Variants in JPH2 observed in about 807,000 individuals in gnomAD.
The protein encoded by JPH2 is junctophilin-2.
A neutral mutation model predicts 55.9 loss-of-function variants in JPH2; 38 were observed. That is an observed-to-expected ratio of 0.68 (90% confidence interval 0.52 to 0.89). The LOEUF is 0.89. Among genes scored for constraint, JPH2 ranks in the 40% least tolerant of loss-of-function variants. The pLI, the probability that JPH2 is intolerant of heterozygous loss-of-function variation, is 0.00. For missense variants in JPH2, 964 were observed against 1,037.6 expected, an observed-to-expected ratio of 0.93 and a Z score of 0.97; for synonymous variants, 480 against 472.4, an observed-to-expected ratio of 1.02 and a Z score of -0.21.
At chr20:44,142,794 G>A (rs765168144) in intron 2 of JPH2, among the ~76,000 whole-genome samples, 5 of 152,212 alleles carry the variant, frequency 3.3e-5, no homozygotes, top group Non-Finnish European at 5.9e-5. Context: ...CTCTCAATAA[G>A]TCCTTGTTGT....
intron 1 of JPH2, among the ~76,000 whole-genome samples, chr20:44,178,962 C>T (rs912102798): frequency 6.6e-6 from 1 of 152,182 alleles, no homozygotes; most frequent in African/African-American, 2.4e-5. Context: ...TCACGTAACT[C>T]CCGTGTTCAG....
chr20:44,144,763 T>G (rs749175221), intron 2 of JPH2, among the ~76,000 whole-genome samples: 27 of 152,266 alleles, frequency 1.8e-4, no homozygotes, highest in African/African-American at 4.8e-4. Context: ...GCTAATATAA[T>G]AAGTAGCACC....
At chr20:44,179,979 G>C (rs1280705845) in intron 1 of JPH2, among the ~76,000 whole-genome samples, 1 of 152,202 alleles carries the variant, frequency 6.6e-6, no homozygotes, top group Non-Finnish European at 1.5e-5. Context: ...CAGCACTTTG[G>C]GAGGCCAAGG....
intron 1 of JPH2, among the ~76,000 whole-genome samples, chr20:44,169,221 G>A (rs2072679461): frequency 6.7e-6 from 1 of 149,688 alleles, no homozygotes; most frequent in Non-Finnish European, 1.5e-5. Flanking sequence ...CTGTTGCCCA[G>A]GCTGGAGTGC....
chr20:44,184,665 T>G (rs1016000258), intron 1 of JPH2, among the ~76,000 whole-genome samples: 1 of 152,228 alleles, frequency 6.6e-6, no homozygotes. Flanking sequence ...ACATCTGCTC[T>G]GCCACTCCAC....
At chr20:44,113,592 C>T (rs746682467) in intron 5 of JPH2, 89 bp from the exon 6 acceptor site, 3 of 152,356 alleles carry the variant, frequency 2.0e-5, no homozygotes, top group African/African-American at 4.8e-5. Context: ...CCTTGGGGCT[C>T]ATCTTCTCTG....
intron 1 of JPH2, among the ~76,000 whole-genome samples, chr20:44,166,085 A>C (rs1361924934): frequency 6.6e-6 from 1 of 152,196 alleles, no homozygotes; most frequent in Admixed American, 6.5e-5. Context: ...ATAGGTACTC[A>C]GTAAATATGT....
At chr20:44,175,928 C>T (rs1348680191) in intron 1 of JPH2, among the ~76,000 whole-genome samples, 1 of 152,182 alleles carries the variant, frequency 6.6e-6, no homozygotes, top group Non-Finnish European at 1.5e-5. Flanking sequence ...CCCAGAAACC[C>T]AATGCCCATG....
chr20:44,178,943 C>A (rs541104804), intron 1 of JPH2, among the ~76,000 whole-genome samples: 6 of 152,332 alleles, frequency 3.9e-5, no homozygotes, highest in Admixed American at 2.0e-4. Context: ...GTCCTCCAGC[C>A]TGGCAAAATC....
intron 1 of JPH2, among the ~76,000 whole-genome samples, chr20:44,184,365 A>G (rs1051867862): frequency 1.6e-4 from 24 of 152,012 alleles, no homozygotes; most frequent in African/African-American, 4.8e-4. Context: ...CCCACGACCT[A>G]TGGTTTGCTA....
In JPH2 at chr20:44,160,270, C is replaced by T. The variant is rs757693348; in HGVS notation, c.517G>A (p.Gly173Ser). The change falls in exon 2 of 6, where the codon GGC becomes AGC. Residue 173 changes from glycine (G) to serine (S), a missense_variant. By Grantham distance (56) the Gly-to-Ser change is moderately conservative (BLOSUM62 0). Transcript: ENST00000372980. The surrounding 1 kb of genome is among the most constrained non-coding windows in gnomAD (Gnocchi z 4.9). ...GCGGGAGAGTCCGGGGCCACCGTGC[C>T]GTTGCTGTGCTCGCTGCGCAGGGAC... ...LSSLRSEHSN[G>S]TVAPDSPASP... 9.1e-6 allele frequency: 14 copies of T among 1,533,596 alleles called. No homozygotes were observed. The East Asian group carries it at 3.0e-4, about 32-fold the overall frequency. The allele number at this position is 1,533,596 out of a possible 1,614,324, so 95.0% of individuals were successfully genotyped here. A position where few individuals can be genotyped will look rare whatever the true frequency, so the allele number is the denominator to read the frequency against.
chr20:44,156,019 CA>C (rs1286238204), intron 2 of JPH2, among the ~76,000 whole-genome samples: 23 of 145,220 alleles, frequency 1.6e-4, no homozygotes, highest in African/African-American at 5.9e-4. Context: ...CTGGGCAACA[CA>C]GTGAGACCCT....
intron 1 of JPH2, among the ~76,000 whole-genome samples, chr20:44,164,610 A>C (rs1024790145): frequency 3.3e-5 from 5 of 152,190 alleles, no homozygotes; most frequent in Non-Finnish European, 7.3e-5. Flanking sequence ...TCTCCAAAAC[A>C]TGCTAAGTGA....
chr20:44,128,683 T>C (rs1398305983), intron 2 of JPH2, among the ~76,000 whole-genome samples: 1 of 151,750 alleles, frequency 6.6e-6, no homozygotes, highest in Non-Finnish European at 1.5e-5. Context: ...CGTCTTTTTC[T>C]TTTTAACATT....
chr20:44,122,775 C>A (rs892723977), intron 2 of JPH2, among the ~76,000 whole-genome samples: 5 of 152,146 alleles, frequency 3.3e-5, no homozygotes, highest in African/African-American at 1.2e-4. Context: ...AGAATGACAT[C>A]TGTACATCAA....
In JPH2 at chr20:44,108,504, TTTGCTGACTTTACAGCCTCAAGA is replaced by T. The variant is rs1182900487; in HGVS notation, c.*4991_*5013del. On this transcript the variant is annotated 3_prime_UTR_variant, in exon 6 of 6. Coordinates refer to ENST00000372980, the MANE Select transcript of JPH2 (RefSeq NM_020433.5). ...AGAGGGGGAGATTGTTCCCTCAGAC[TTTGCTGACTTTACAGCCTCAAGA>T]TTGCTGACTTTACAGCCTCAAGATG... Among the ~76,000 whole-genome samples the T allele has an allele frequency of 2.8e-4, 42 of 152,092 alleles. No homozygotes were observed. Among genetic ancestry groups the T allele is most frequent in the African/African-American group, 7.7e-4 (32 of 41,412 alleles).
intron 2 of JPH2, among the ~76,000 whole-genome samples, chr20:44,120,465 T>C (rs1436248836): frequency 1.3e-5 from 2 of 152,228 alleles, no homozygotes; most frequent in Admixed American, 6.5e-5. Context: ...AAAGGAGTTA[T>C]GAAGATTATC....
At chr20:44,119,405 TA>T (rs1035300467) in intron 2 of JPH2, among the ~76,000 whole-genome samples, 1 of 152,196 alleles carries the variant, frequency 6.6e-6, no homozygotes, top group Non-Finnish European at 1.5e-5. Context: ...TTGGAGTTAA[TA>T]AAAATACAGA....
In JPH2 at chr20:44,186,730, C is replaced by T; in HGVS notation, c.-25G>A. ...TCTCATCATAGCCCCTGACAACCTC[C>T]CCGTCCTCCAGCGTGGGTGCAGAGG... On this transcript the variant is annotated 5_prime_UTR_variant, in exon 1 of 6. Transcript: ENST00000372980. 1.3e-6 allele frequency: 2 copies of T among 1,596,844 alleles called. No individual in the cohort carries two copies. The highest frequency in any genetic ancestry group is 8.5e-7 in the Non-Finnish European group (1 of 1,178,762).
Sources: gnomAD v4.1 joint callset for allele counts (sites outside exome capture counted in the v4.1 genomes callset) on GRCh38, gnomAD v4.1.1 for gene constraint, Gnocchi (gnomAD v3.1) non-coding constraint, MANE v1.5 for transcripts, NCBI Gene and HGNC (gene_info 2026-07-23, HGNC 2026-07-21) for gene names.